The following PTPRN2 variants were observed in gnomAD, a reference collection of about 807,000 sequenced individuals.
PTPRN2 encodes the protein receptor-type tyrosine-protein phosphatase N2.
Under a neutral mutation model 118.8 loss-of-function variants are expected in PTPRN2, and 74 were observed. The observed-to-expected ratio is 0.62, with a 90% CI of 0.52 to 0.76. PTPRN2 has a LOEUF of 0.76. Among genes scored for constraint, PTPRN2 ranks in the 30% least tolerant of loss-of-function variants. PTPRN2 has a pLI of 0.00. For missense variants in PTPRN2, 1,481 were observed against 1,394.4 expected (o/e 1.06, Z -0.99); for synonymous variants, 641 against 608.0 (o/e 1.05, Z -0.80).
At chr7:158,040,152 T>G (rs780920149) in intron 11 of PTPRN2, among the ~76,000 whole-genome samples, 2 of 151,596 alleles carry the variant, frequency 1.3e-5, no homozygotes, top group Non-Finnish European at 2.9e-5. Flanking sequence ...ATATGCATAA[T>G]AGGAATACCA....
chr7:158,170,407 G>C (rs1007882460), intron 5 of PTPRN2, among the ~76,000 whole-genome samples: 1 of 152,212 alleles, frequency 6.6e-6, no homozygotes, highest in Non-Finnish European at 1.5e-5. Flanking sequence ...TTTAATTAAA[G>C]TTGAGTTGGA....
intron 11 of PTPRN2, among the ~76,000 whole-genome samples, chr7:158,074,073 G>A (rs1812156748): frequency 1.3e-5 from 2 of 152,202 alleles, no homozygotes; most frequent in Non-Finnish European, 2.9e-5. Context: ...AACCCCACGG[G>A]GCCTGGGGCA....
chr7:158,524,501 T>C lies in PTPRN2; in HGVS notation c.113-34716A>G, dbSNP rs539362461. ...CCCTGGAGCGGAGTCTGCCCTGGAGTGGAGTCGTCTGCCCTGGAGTGGAGT... is the reference window on the plus strand; with the variant it reads ...CCCTGGAGCGGAGTCTGCCCTGGAGCGGAGTCGTCTGCCCTGGAGTGGAGT... On this transcript the variant is annotated intron_variant, in intron 1 of 22. Coordinates refer to ENST00000389418, the MANE Select transcript of PTPRN2 (RefSeq NM_002847.5). Among the ~76,000 whole-genome samples, 33 of 107,766 alleles carry C rather than the reference T, an allele frequency of 3.1e-4. No homozygotes were observed. In the East Asian group the frequency reaches 6.3e-3, roughly 21 times the overall value. 70.7% of individuals were successfully genotyped at this position (107,766 alleles called of 152,430 possible).
intron 11 of PTPRN2, among the ~76,000 whole-genome samples, chr7:158,058,998 T>C (rs1242220311): frequency 3.0e-4 from 27 of 89,444 alleles, no homozygotes; most frequent in Non-Finnish European, 4.1e-4. Flanking sequence ...CAGTGAGACA[T>C]CACTGCAGCC....
At chr7:158,274,002 A>G (rs1198551718) in intron 3 of PTPRN2, among the ~76,000 whole-genome samples, 27 of 102,924 alleles carry the variant, frequency 2.6e-4, no homozygotes, top group African/African-American at 8.2e-4. Flanking sequence ...CCGCAGACAC[A>G]GGGAGCCGCA....
chr7:158,270,327 G>A (rs1341431860), intron 3 of PTPRN2, among the ~76,000 whole-genome samples: 10 of 152,190 alleles, frequency 6.6e-5, no homozygotes, highest in East Asian at 1.9e-4. Context: ...GGTGCAGAGC[G>A]GGAGCCAGGC....
chr7:158,086,026 CCTCACACACAGAGCA>C (rs1286998455), intron 10 of PTPRN2, among the ~76,000 whole-genome samples: 1 of 152,256 alleles, frequency 6.6e-6, no homozygotes, highest in Non-Finnish European at 1.5e-5. Flanking sequence ...CGTGTCCCGG[CCTCACACACAGAGCA>C]CTTCCTTCCC....
chr7:157,727,469 G>T (rs574913605), intron 12 of PTPRN2, among the ~76,000 whole-genome samples: 1 of 152,268 alleles, frequency 6.6e-6, no homozygotes, highest in South Asian at 2.1e-4. Flanking sequence ...TTCCACTTGT[G>T]TGAGGTCCCT....
At chr7:158,192,224 A>G in intron 5 of PTPRN2, 103 bp downstream of exon 5, 1 of 1,275,634 alleles carries the variant, frequency 7.8e-7, no homozygotes, top group Non-Finnish European at 1.0e-6. Flanking sequence ...CCCGGGAAAC[A>G]GGCGCAAAGC....
chr7:158,374,191 T>TC, intron 2 of PTPRN2, among the ~76,000 whole-genome samples: 1 of 152,134 alleles, frequency 6.6e-6, no homozygotes, highest in East Asian at 1.9e-4. Context: ...TTGCTCTGGG[T>TC]CCAAGCAGCA....
Position 158,179,794 on chromosome 7 carries a change from T to C in PTPRN2, c.550-12503A>G, listed in dbSNP as rs1283425878. ...TTTCCATAAGTCTCACCCACCAATA[T>C]GCCATGTCAGTTTACACTTGCCATG... On this transcript the variant is annotated intron_variant, in intron 5 of 22. Coordinates refer to ENST00000389418, the MANE Select transcript of PTPRN2 (RefSeq NM_002847.5). Among the ~76,000 whole-genome samples, 3 of 152,338 alleles carry C rather than the reference T, an allele frequency of 2.0e-5. No individual in the cohort carries two copies. The East Asian group carries it at 5.8e-4, about 29-fold the overall frequency.
At chr7:158,340,184 C>A (rs1318760904) in intron 2 of PTPRN2, among the ~76,000 whole-genome samples, 2 of 89,824 alleles carry the variant, frequency 2.2e-5, no homozygotes, top group African/African-American at 7.7e-5. Context: ...TCGCAGACGT[C>A]ACTCACACCC....
At chr7:157,670,949 C>A (rs77178853) in intron 13 of PTPRN2, among the ~76,000 whole-genome samples, 1,580 of 152,226 alleles carry the variant, frequency 0.01, 49 homozygotes, top group East Asian at 0.092. Flanking sequence ...TCCTAATTTT[C>A]TTTTTGCTCA....
intron 4 of PTPRN2, among the ~76,000 whole-genome samples, chr7:158,203,596 A>ACCCC (rs56277723): frequency 3.3e-5 from 5 of 151,004 alleles, no homozygotes; most frequent in Admixed American, 1.3e-4. Context: ...CCTGTTCTGC[A>ACCCC]CCCCCCCAGA....
intron 3 of PTPRN2, among the ~76,000 whole-genome samples, chr7:158,235,805 T>G (rs1220749532): frequency 2.0e-5 from 3 of 152,192 alleles, no homozygotes; most frequent in African/African-American, 7.2e-5. Context: ...CCTGATTTGA[T>G]CTTTACAAAT....
At chr7:158,586,130 C>T (rs147108642) in intron 1 of PTPRN2, among the ~76,000 whole-genome samples, 77 of 152,328 alleles carry the variant, frequency 5.1e-4, no homozygotes, top group Non-Finnish European at 9.7e-4. Flanking sequence ...CACTCCCTCC[C>T]AGGACTCCAA....
rs545840516 is a variant in PTPRN2, at chr7:157,727,861, C to A, written c.1789-44924G>T. Among the ~76,000 whole-genome samples, 11 of 152,302 alleles carry A rather than the reference C, an allele frequency of 7.2e-5. No individual in the cohort carries two copies. The South Asian group carries it at 2.1e-3, about 29-fold the overall frequency. On this transcript the variant is annotated intron_variant, in intron 12 of 22. Transcript: ENST00000389418. ...AGCTGCAGCAGCCCCTGCCCTTGGA[C>A]CCCTGAGTCTGTGGGGCCTGCACTG...
At chr7:157,829,424 C>T (rs903561395) in intron 12 of PTPRN2, among the ~76,000 whole-genome samples, 2 of 152,150 alleles carry the variant, frequency 1.3e-5, no homozygotes, top group East Asian at 1.9e-4. Flanking sequence ...TCACCCTGAC[C>T]GTGAGGCCAC....
At chr7:158,487,299 G>C (rs74642379) in intron 2 of PTPRN2, among the ~76,000 whole-genome samples, 29,173 of 152,114 alleles carry the variant, frequency 0.19, 3,308 homozygotes, top group East Asian at 0.41. Context: ...CAGAAGTGGG[G>C]TTGCTGAGGC....
Sources: allele counts gnomAD v4.1 joint callset (sites outside exome capture counted in the v4.1 genomes callset), GRCh38; gene constraint gnomAD v4.1.1; transcripts MANE v1.5; gene names NCBI Gene and HGNC (gene_info 2026-07-23, HGNC 2026-07-21).